SUMF1: variants seen among roughly 807,000 people sequenced by gnomAD.
SUMF1 encodes formylglycine-generating enzyme.
In SUMF1, 48 loss-of-function variants were observed where a neutral mutation model predicts 47.6. The observed-to-expected ratio is 1.01, with a 90% confidence interval of 0.80 to 1.28. The LOEUF (loss-of-function observed/expected upper bound fraction) is 1.28, where lower values mean the gene tolerates loss of function less well. Ranked by LOEUF, SUMF1 falls within the 50% of genes most tolerant of loss-of-function variation. The pLI is 0.00. For missense variants in SUMF1, 571 were observed against 485.4 expected (o/e 1.18, Z -1.66); for synonymous variants, 230 against 192.1 (o/e 1.20, Z -1.63).
intron 9 of SUMF1, among the ~76,000 whole-genome samples, chr3:4,059,796 G>GA (rs35902458): frequency 0.25 from 30,480 of 122,738 alleles, 3,917 homozygotes; most frequent in Middle Eastern, 0.36. Flanking sequence ...TGTCCCTGTG[G>GA]AAAAAAAAAA....
chr3:4,446,687 G>A (rs1362485212), intron 3 of SUMF1, among the ~76,000 whole-genome samples: 1 of 152,118 alleles, frequency 6.6e-6, no homozygotes, highest in South Asian at 2.1e-4. Flanking sequence ...TCACACCTGG[G>A]GATCCAGCTA....
chr3:4,243,477 G>A (rs1463602388), intron 8 of SUMF1, among the ~76,000 whole-genome samples: 1 of 152,090 alleles, frequency 6.6e-6, no homozygotes, highest in Non-Finnish European at 1.5e-5. Context: ...GTTCTCATTG[G>A]TTTCAAAGAA....
intron 3 of SUMF1, among the ~76,000 whole-genome samples, chr3:4,432,332 G>A (rs1702259108): frequency 6.6e-6 from 1 of 151,472 alleles, no homozygotes. Flanking sequence ...CTACCACCTG[G>A]TTCCTCAGAC....
intron 8 of SUMF1, among the ~76,000 whole-genome samples, chr3:4,299,837 C>T (rs1329277118): frequency 2.0e-5 from 3 of 152,118 alleles, no homozygotes; most frequent in African/African-American, 7.2e-5. Context: ...AAAACAGTAT[C>T]TGGTACATAA....
At chr3:4,219,420 G>T (rs1696013364) in intron 8 of SUMF1, among the ~76,000 whole-genome samples, 1 of 152,110 alleles carries the variant, frequency 6.6e-6, no homozygotes. Context: ...CATATCTTCT[G>T]ACTCTATTGC....
rs1280750927 is a variant in SUMF1 at position 4,417,163 on chromosome 3, T to C, written c.805A>G (p.Asn269Asp). The C allele has an allele frequency of 3.1e-6, 5 of 1,613,858 alleles. No homozygotes were observed. The African/African-American group carries it at 4.0e-5, about 13-fold the overall frequency. The change falls in exon 6 of 9, where the codon AAC becomes GAC. Residue 269 changes from asparagine (N) to aspartate (D), a missense_variant. Physicochemically the swap from Asn to Asp is conservative, Grantham distance 23. Transcript: ENST00000272902. The stretch of plus-strand genomic sequence containing the variant: ...CCTTGGAAGCCATCCTCACCAGTGT[T>C]GGTCACCGGAAACTCGCCCTGCCAA... ...NIWQGEFPVT[N>D]TGEDGFQGTA...
In SUMF1 at chr3:4,262,446, A is replaced by G. The variant is rs185978960; in HGVS notation, c.1014+113884T>C. On this transcript the variant is annotated intron_variant and NMD_transcript_variant, in intron 8 of 12. Transcript: ENST00000448413. ...GTGGTCAAAGCAACAACAACAAAAA[A>G]GACAATTATTGATAGACAAAACCAA... Among the ~76,000 whole-genome samples, 554 of 152,312 alleles carry G rather than the reference A, an allele frequency of 3.6e-3. 2 individuals are homozygous for G. Among genetic ancestry groups the G allele is most frequent in the Non-Finnish European group, 6.2e-3 (422 of 68,030 alleles).
intron 7 of SUMF1, among the ~76,000 whole-genome samples, chr3:4,391,712 G>C (rs1700869824): frequency 6.6e-6 from 1 of 152,114 alleles, no homozygotes; most frequent in African/African-American, 2.4e-5. Context: ...CGAACTCCTG[G>C]GCTCCAGTGA....
chr3:4,190,713 A>G (rs541505986), intron 8 of SUMF1, among the ~76,000 whole-genome samples: 19 of 152,232 alleles, frequency 1.2e-4, no homozygotes, highest in East Asian at 7.7e-4. Context: ...ATTTAATTCA[A>G]TATTACTCAA....
intron 8 of SUMF1, among the ~76,000 whole-genome samples, chr3:4,258,400 T>G (rs1485270408): frequency 4.2e-5 from 6 of 141,536 alleles, no homozygotes; most frequent in Admixed American, 1.4e-4. Flanking sequence ...TACAATGAAC[T>G]CAAACAAATT....
intron 8 of SUMF1, among the ~76,000 whole-genome samples, chr3:4,137,745 G>T (rs902684792): frequency 6.6e-6 from 1 of 152,030 alleles, no homozygotes; most frequent in African/African-American, 2.4e-5. Context: ...TTCACATCCA[G>T]AACAAGACAG....
chr3:4,266,493 T>C (rs1408439994), intron 8 of SUMF1, among the ~76,000 whole-genome samples: 2 of 152,334 alleles, frequency 1.3e-5, no homozygotes, highest in East Asian at 3.9e-4. Context: ...TTTGAAGCAA[T>C]TGTGAATGGG....
chr3:4,353,977 C>A (rs1270424490), intron 8 of SUMF1, among the ~76,000 whole-genome samples: 1 of 152,122 alleles, frequency 6.6e-6, no homozygotes, highest in Non-Finnish European at 1.5e-5. Context: ...CAGTCTTACT[C>A]CTGAGTTGCT....
At chr3:4,331,922 A>C (rs1281529144) in intron 8 of SUMF1, among the ~76,000 whole-genome samples, 1 of 152,218 alleles carries the variant, frequency 6.6e-6, no homozygotes, top group Non-Finnish European at 1.5e-5. Flanking sequence ...TTATGCCTTA[A>C]AACATCTGGT....
At chr3:4,403,831 G>C (rs1367125380) in intron 7 of SUMF1, among the ~76,000 whole-genome samples, 1 of 152,168 alleles carries the variant, frequency 6.6e-6, no homozygotes, top group Admixed American at 6.5e-5. Context: ...CCCACAGGGG[G>C]AGAGGTTAGA....
chr3:4,256,267 G>C (rs1230324990), intron 8 of SUMF1, among the ~76,000 whole-genome samples: 1 of 90,204 alleles, frequency 1.1e-5, no homozygotes, highest in African/African-American at 4.7e-5. Context: ...ACTAAAATCA[G>C]AGCAGAACTG....
chr3:4,249,466 G>C (rs1696744485), intron 8 of SUMF1, among the ~76,000 whole-genome samples: 1 of 152,010 alleles, frequency 6.6e-6, no homozygotes, highest in Non-Finnish European at 1.5e-5. Flanking sequence ...TATCTGTCAT[G>C]GTGGTCTATA....
chr3:4,432,385 C>A (rs574577047), intron 3 of SUMF1, among the ~76,000 whole-genome samples: 43 of 152,244 alleles, frequency 2.8e-4, no homozygotes, highest in Admixed American at 4.6e-4. Context: ...CCATACAGAA[C>A]CAGAGTGGTC....
At chr3:4,058,965 G>C (rs899222961) in intron 9 of SUMF1, among the ~76,000 whole-genome samples, 44 of 151,990 alleles carry the variant, frequency 2.9e-4, no homozygotes, top group African/African-American at 1.1e-3. Context: ...CCAAATAATG[G>C]GTGACTGCAT....
Sources: allele counts gnomAD v4.1 joint callset (sites outside exome capture counted in the v4.1 genomes callset), GRCh38; gene constraint gnomAD v4.1.1; transcripts MANE v1.5; gene names NCBI Gene and HGNC (gene_info 2026-07-23, HGNC 2026-07-21).